DACH2: variants seen among roughly 807,000 people sequenced by gnomAD.
DACH2 encodes the protein dachshund family transcription factor 2.
In DACH2, 17 loss-of-function variants were observed where a neutral mutation model predicts 35.8. That is an observed-to-expected ratio of 0.48 (90% CI 0.33 to 0.71). DACH2 has a LOEUF of 0.71. DACH2 is among the 30% of genes least tolerant of loss of function. The pLI is 0.02. For missense variants in DACH2, 469 were observed against 472.7 expected (o/e 0.99, Z 0.07); for synonymous variants, 195 against 177.3 (o/e 1.10, Z -0.79).
chrX:86,216,007 T>C (rs1261207997), intron 1 of DACH2, among the ~76,000 whole-genome samples: 1 of 111,631 alleles, frequency 9.0e-6, no homozygotes, highest in Non-Finnish European at 1.9e-5. Flanking sequence ...AATGAGCAAA[T>C]CTATATATAC....
At chrX:86,355,691 G>T (rs1223684235) in intron 1 of DACH2, among the ~76,000 whole-genome samples, 1 of 111,228 alleles carries the variant, frequency 9.0e-6, no homozygotes, top group East Asian at 2.8e-4. Flanking sequence ...ACCACACCCA[G>T]CCTATTTTTT....
intron 3 of DACH2, among the ~76,000 whole-genome samples, chrX:86,636,438 A>G (rs2040266745): frequency 9.0e-6 from 1 of 111,149 alleles, no homozygotes; most frequent in African/African-American, 3.3e-5. Flanking sequence ...GCAAGAGTGA[A>G]ACTCCATCTC....
intron 5 of DACH2, among the ~76,000 whole-genome samples, chrX:86,699,244 T>C (rs1419346000): frequency 1.8e-5 from 2 of 112,226 alleles, no homozygotes; most frequent in African/African-American, 6.5e-5. Flanking sequence ...ACCCAATAAA[T>C]GCAGAATTTA....
At chrX:86,160,193 C>T (rs2030701666) in intron 1 of DACH2, 2 of 1,105,409 alleles carry the variant, frequency 1.8e-6, no homozygotes, top group Admixed American at 5.0e-5. Context: ...TCTTCCACCA[C>T]TGATTAAGAC....
chrX:86,229,524 G>A (rs1015819335), intron 1 of DACH2, among the ~76,000 whole-genome samples: 3 of 111,507 alleles, frequency 2.7e-5, no homozygotes, highest in Non-Finnish European at 5.7e-5. Flanking sequence ...GTATTTTGAT[G>A]AGGATTGCAT....
At chrX:86,791,389 T>C (rs1419008395) in intron 7 of DACH2, among the ~76,000 whole-genome samples, 1 of 112,066 alleles carries the variant, frequency 8.9e-6, no homozygotes, top group Non-Finnish European at 1.9e-5. Context: ...TCATTTTGAA[T>C]TTAGGGAATA....
chrX:86,373,420 TATGTA>T (rs1443918665), intron 1 of DACH2, among the ~76,000 whole-genome samples: 1 of 111,139 alleles, frequency 9.0e-6, no homozygotes, highest in African/African-American at 3.3e-5. Context: ...TCTAAATATA[TATGTA>T]ATGTTTATCA....
intron 1 of DACH2, among the ~76,000 whole-genome samples, chrX:86,290,851 T>C (rs1219385182): frequency 9.7e-6 from 1 of 102,978 alleles, no homozygotes; most frequent in African/African-American, 3.6e-5. Flanking sequence ...TGAAGTCAGG[T>C]AGTGTGATGC....
chrX:86,793,331 G>A lies in DACH2; in HGVS notation c.1241-19525G>A, dbSNP rs1163176302. 5.4e-5 allele frequency among the ~76,000 whole-genome samples: 6 copies of A among 110,958 alleles called. No individual in the cohort carries two copies. In the East Asian group the frequency reaches 1.4e-3, roughly 26 times the overall value. On this transcript the variant is annotated intron_variant, in intron 7 of 11. Transcript: ENST00000373125. ...TCAAATATTTTCTCCCATTCAATAG[G>A]TGTAGTGTGTCTTTATTCTGTGGAT...
At chrX:86,638,962 T>G (rs2040312193) in intron 3 of DACH2, among the ~76,000 whole-genome samples, 1 of 112,016 alleles carries the variant, frequency 8.9e-6, no homozygotes, top group Non-Finnish European at 1.9e-5. Context: ...TACACTTATA[T>G]GTTTATTGCA....
At chrX:86,495,680 G>T (rs918850684) in intron 2 of DACH2, among the ~76,000 whole-genome samples, 3 of 109,791 alleles carry the variant, frequency 2.7e-5, no homozygotes, top group Non-Finnish European at 5.7e-5. Context: ...TGGTACGGTG[G>T]TCCATGACTC....
intron 2 of DACH2, among the ~76,000 whole-genome samples, chrX:86,487,724 T>C (rs953983249): frequency 5.3e-5 from 6 of 112,246 alleles, no homozygotes; most frequent in African/African-American, 1.9e-4. Flanking sequence ...GGTGTTTAAT[T>C]AATAAATGGT....
At chrX:86,233,350 AAAAG>A (rs909373415) in intron 1 of DACH2, among the ~76,000 whole-genome samples, 10 of 112,146 alleles carry the variant, frequency 8.9e-5, no homozygotes, top group South Asian at 3.7e-4. Context: ...TACAAGTTAA[AAAAG>A]AAAGAAAGAA....
intron 2 of DACH2, among the ~76,000 whole-genome samples, chrX:86,505,161 C>T (rs1223564921): frequency 1.8e-5 from 2 of 111,244 alleles, no homozygotes; most frequent in Non-Finnish European, 3.8e-5. Flanking sequence ...CATGATGTAT[C>T]CCTCTAGATT....
chrX:86,365,132 G>C (rs183581825), intron 1 of DACH2, among the ~76,000 whole-genome samples: 2 of 111,208 alleles, frequency 1.8e-5, no homozygotes, highest in East Asian at 5.7e-4. Context: ...ATTCAGCTAA[G>C]AAATTTATAC....
At chrX:86,462,226 TA>T (rs973013117) in intron 2 of DACH2, among the ~76,000 whole-genome samples, 1 of 111,802 alleles carries the variant, frequency 8.9e-6, no homozygotes, top group African/African-American at 3.2e-5. Context: ...AACAACACCT[TA>T]TTGCTCACTC....
At chrX:86,396,768 A>C (rs1470019864) in intron 2 of DACH2, among the ~76,000 whole-genome samples, 3 of 111,317 alleles carry the variant, frequency 2.7e-5, no homozygotes, top group South Asian at 7.6e-4. Flanking sequence ...TGGTACCAGT[A>C]CCATACTGTT....
intron 3 of DACH2, among the ~76,000 whole-genome samples, chrX:86,613,534 A>G (rs2039971095): frequency 1.8e-5 from 2 of 111,891 alleles, no homozygotes; most frequent in South Asian, 7.4e-4. Context: ...ATGGGCAATG[A>G]CTTCCCAATG....
chrX:86,459,561 T>A (rs2037532294), intron 2 of DACH2, among the ~76,000 whole-genome samples: 1 of 111,635 alleles, frequency 9.0e-6, no homozygotes. Flanking sequence ...TTTAACTTAG[T>A]AAACAACCTG....
Sources: gnomAD v4.1 joint callset for allele counts (sites outside exome capture counted in the v4.1 genomes callset) on GRCh38, gnomAD v4.1.1 for gene constraint, MANE v1.5 for transcripts, NCBI Gene and HGNC (gene_info 2026-07-23, HGNC 2026-07-21) for gene names.